The following CA5A variants were observed in gnomAD, a reference collection of about 807,000 sequenced individuals.
CA5A encodes the protein carbonic anhydrase 5A.
Under a neutral mutation model 37.1 loss-of-function variants are expected in CA5A, and 28 were observed. The observed-to-expected ratio is 0.75, with a 90% CI of 0.56 to 1.03. The LOEUF (loss-of-function observed/expected upper bound fraction) is 1.03, where lower values mean the gene tolerates loss of function less well. Ranked by LOEUF, CA5A falls within the 50% of genes least tolerant of loss-of-function variation. The pLI is 0.00. For missense variants in CA5A, 444 were observed against 399.9 expected (o/e 1.11, Z -0.94); for synonymous variants, 171 against 158.4 (o/e 1.08, Z -0.60).
chr16:87,905,923 G>C (rs1444660616), intron 2 of CA5A, among the ~76,000 whole-genome samples: 1 of 152,214 alleles, frequency 6.6e-6, no homozygotes, highest in African/African-American at 2.4e-5. Context: ...ATCGCTCGCT[G>C]AGGCCTCTGG....
At chr16:87,928,684 T>C (rs971835112) in intron 1 of CA5A, among the ~76,000 whole-genome samples, 1 of 151,966 alleles carries the variant, frequency 6.6e-6, no homozygotes, top group Admixed American at 6.6e-5. Context: ...ATTTCCAACT[T>C]CTTGCAATTA....
downstream of CA5A, chr16:87,887,134 C>T (rs996783081): frequency 6.6e-6 from 1 of 152,176 alleles, no homozygotes; most frequent in Non-Finnish European, 1.5e-5. Flanking sequence ...AACTTCTGAC[C>T]TCAGGTGGTC....
chr16:87,895,551 GAAAACAA>G (rs199729894), intron 5 of CA5A, among the ~76,000 whole-genome samples: 3,246 of 151,820 alleles, frequency 0.021, 114 homozygotes, highest in African/African-American at 0.072. Flanking sequence ...ATCTCAAAAA[GAAAACAA>G]AAAACAAAAA....
At chr16:87,921,854 G>GTTA (rs541120319) in intron 2 of CA5A, among the ~76,000 whole-genome samples, 20 of 133,130 alleles carry the variant, frequency 1.5e-4, no homozygotes, top group African/African-American at 5.9e-4. Flanking sequence ...TCCTTTGTGT[G>GTTA]TTATTGTTAT....
chr16:87,919,661 CCT>C (rs1383480164), intron 2 of CA5A, among the ~76,000 whole-genome samples: 3 of 152,162 alleles, frequency 2.0e-5, no homozygotes, highest in African/African-American at 7.2e-5. Context: ...GGCAAATCTC[CCT>C]CTTTGCTTAA....
chr16:87,922,938 G>C lies in CA5A; in HGVS notation c.340+3810C>G, dbSNP rs370262406. 3.3e-5 allele frequency among the ~76,000 whole-genome samples: 5 copies of C among 152,336 alleles called. No homozygotes were observed. In the East Asian group the frequency reaches 5.8e-4, roughly 18 times the overall value. On this transcript the variant is annotated intron_variant, in intron 2 of 6. Coordinates refer to ENST00000649794, the MANE Select transcript of CA5A (RefSeq NM_001739.2). ...CTTCTTTTTCACATCTGTAAAATGG[G>C]GACTGGTTTGTATCTCCCACGACTG...
chr16:87,908,414 G>A (rs181030758), intron 2 of CA5A, among the ~76,000 whole-genome samples: 9 of 152,314 alleles, frequency 5.9e-5, no homozygotes, highest in Admixed American at 3.9e-4. Flanking sequence ...CAGGGGCTCC[G>A]CAGCTTCGTC....
At chr16:87,931,986 A>G (rs1349551488) in intron 1 of CA5A, among the ~76,000 whole-genome samples, 1 of 136,980 alleles carries the variant, frequency 7.3e-6, no homozygotes, top group Non-Finnish European at 1.6e-5. Context: ...CCTGCCTGTA[A>G]TCCCAGCTAC....
At chr16:87,914,701 C>T (rs1313218837) in intron 2 of CA5A, among the ~76,000 whole-genome samples, 5 of 142,462 alleles carry the variant, frequency 3.5e-5, no homozygotes, top group East Asian at 2.4e-4. Context: ...GGAGGGAGGA[C>T]GTGGGGGCGG....
downstream of CA5A, chr16:87,884,727 C>G (rs1425065574): frequency 6.6e-6 from 1 of 151,782 alleles, no homozygotes; most frequent in Non-Finnish European, 1.5e-5. Context: ...GAGCTACACT[C>G]CATCTAAAAA....
Position 87,888,171 on chromosome 16 carries a change from G to C in CA5A, c.876C>G (p.Val292=). The change falls in exon 7 of 7, where the codon GTC becomes GTG. Residue 292 remains valine, a synonymous_variant. Transcript: ENST00000649794. ...RPLQPLMNRK[V]WASFQATNEG... is the part of the protein sequence containing the mutation. ...CATTAGTGGCCTGGAAGGACGCCCA[G>C]ACCTTCCGGTTCATCAAGGGTTGAA... 1.2e-6 allele frequency: 2 copies of C among 1,613,922 alleles called. No individual in the cohort carries two copies. Among genetic ancestry groups the C allele is most frequent in the Non-Finnish European group, 8.5e-7 (1 of 1,179,838 alleles).
At chr16:87,930,699 G>A (rs1188406836) in intron 1 of CA5A, among the ~76,000 whole-genome samples, 1 of 151,870 alleles carries the variant, frequency 6.6e-6, no homozygotes, top group Non-Finnish European at 1.5e-5. Context: ...CCACTGGGCA[G>A]GAGAGGGAGC....
At chr16:87,934,498 G>C (rs539377512) in intron 1 of CA5A, among the ~76,000 whole-genome samples, 1 of 152,328 alleles carries the variant, frequency 6.6e-6, no homozygotes, top group Non-Finnish European at 1.5e-5. Context: ...AACCTGGGAG[G>C]TGGGGGTTGC....
At chr16:87,919,114 G>A (rs768237235) in intron 2 of CA5A, among the ~76,000 whole-genome samples, 6 of 152,230 alleles carry the variant, frequency 3.9e-5, no homozygotes, top group Non-Finnish European at 5.9e-5. Context: ...CAGATGTGAA[G>A]CCGGTGGGGA....
chr16:87,893,670 G>T, intron 5 of CA5A: 1 of 574,296 alleles, frequency 1.7e-6, no homozygotes, highest in Non-Finnish European at 3.3e-6. Context: ...CGAGGCTCGG[G>T]CTGGGTCAGC....
intron 2 of CA5A, among the ~76,000 whole-genome samples, chr16:87,918,545 T>C (rs1187443620): frequency 6.6e-6 from 1 of 152,242 alleles, no homozygotes; most frequent in African/African-American, 2.4e-5. Context: ...CTGCTGGCAG[T>C]GTCCACGCCG....
intron 1 of CA5A, among the ~76,000 whole-genome samples, chr16:87,932,579 T>C (rs2056422406): frequency 6.6e-6 from 1 of 152,130 alleles, no homozygotes; most frequent in Non-Finnish European, 1.5e-5. Context: ...CCAGTAGGGC[T>C]CCAATGGGAG....
At chr16:87,910,587 CT>C (rs941728928) in intron 2 of CA5A, among the ~76,000 whole-genome samples, 5 of 151,084 alleles carry the variant, frequency 3.3e-5, no homozygotes, top group African/African-American at 4.9e-5. Context: ...AAAGTGACTT[CT>C]TTTTTTTTAG....
rs8058389 is a variant in CA5A at position 87,897,675 on chromosome 16, A to C, written c.618+4237T>G. 3.9e-5 allele frequency among the ~76,000 whole-genome samples: 6 copies of C among 152,214 alleles called. 1 individual carries two copies. The highest frequency in any genetic ancestry group is 1.4e-4 in the African/African-American group (6 of 41,516). On this transcript the variant is annotated intron_variant, in intron 5 of 6. Transcript: ENST00000649794. ...TGACTGCATGCGGGAGGTGGGCGCC[A>C]GGATGACTGGGACTTCAGGCTGCGT...
Sources: allele counts gnomAD v4.1 joint callset (sites outside exome capture counted in the v4.1 genomes callset), GRCh38; gene constraint gnomAD v4.1.1; transcripts MANE v1.5; gene names NCBI Gene and HGNC (gene_info 2026-07-23, HGNC 2026-07-21).